Variants in SYNPR observed in about 807,000 individuals in gnomAD.
SYNPR encodes synaptoporin.
In SYNPR, 23 loss-of-function variants were observed where a neutral mutation model predicts 32.9. That is an observed-to-expected ratio of 0.70 (90% confidence interval 0.50 to 0.99). The LOEUF (loss-of-function observed/expected upper bound fraction) is 0.99, where lower values mean the gene tolerates loss of function less well. Among genes scored for constraint, SYNPR ranks in the 50% least tolerant of loss-of-function variants. The probability of loss-of-function intolerance (pLI) is 0.00; values close to 1 mark genes in which losing one functional copy is unlikely to be tolerated. For synonymous variants in SYNPR, 146 were observed against 135.9 expected, an observed-to-expected ratio of 1.07 and a Z score of -0.52; for missense variants, 318 against 349.3, an observed-to-expected ratio of 0.91 and a Z score of 0.71.
intron 2 of SYNPR, among the ~76,000 whole-genome samples, chr3:63,313,384 T>C (rs967448375): frequency 2.4e-4 from 37 of 151,726 alleles, no homozygotes; most frequent in African/African-American, 8.4e-4. Flanking sequence ...TTCCTCCAGG[T>C]CCCCAAAATC....
chr3:63,477,753 T>G (rs1214790148), intron 2 of SYNPR, among the ~76,000 whole-genome samples: 1 of 152,200 alleles, frequency 6.6e-6, no homozygotes, highest in Non-Finnish European at 1.5e-5. Flanking sequence ...TAGATATTCA[T>G]TCTCCCTTAC....
At chr3:63,291,697 T>C (rs2086740229) in intron 2 of SYNPR, among the ~76,000 whole-genome samples, 2 of 152,152 alleles carry the variant, frequency 1.3e-5, no homozygotes, top group Non-Finnish European at 1.5e-5. Context: ...AGACAAGTGC[T>C]TCATTGGTGA....
chr3:63,283,467 G>C (rs2086648671), intron 2 of SYNPR, among the ~76,000 whole-genome samples: 1 of 152,086 alleles, frequency 6.6e-6, no homozygotes, highest in Non-Finnish European at 1.5e-5. Flanking sequence ...CACTGACTCT[G>C]GTGGTCTTTT....
chr3:63,229,135 T>G (rs376932611), intron 1 of SYNPR, among the ~76,000 whole-genome samples: 4 of 152,126 alleles, frequency 2.6e-5, no homozygotes, highest in African/African-American at 9.7e-5. Flanking sequence ...ACTGATAGAT[T>G]TATAGCCTTG....
At chr3:63,229,662 ACT>A (rs956700219) in intron 1 of SYNPR, among the ~76,000 whole-genome samples, 3 of 151,862 alleles carry the variant, frequency 2.0e-5, no homozygotes, top group African/African-American at 4.8e-5. Flanking sequence ...AGTTTATGAG[ACT>A]CTAATCTTTT....
chr3:63,480,458 C>CCCA (rs1389343053), intron 2 of SYNPR, among the ~76,000 whole-genome samples: 1 of 152,158 alleles, frequency 6.6e-6, no homozygotes, highest in East Asian at 1.9e-4. Flanking sequence ...AGGATACACC[C>CCCA]CCACATCTTC....
chr3:63,312,500 A>C (rs1164660894), intron 2 of SYNPR, among the ~76,000 whole-genome samples: 1 of 151,864 alleles, frequency 6.6e-6, no homozygotes, highest in Non-Finnish European at 1.5e-5. Flanking sequence ...AACTTCAGCT[A>C]CATCCATCTT....
At chr3:63,347,614 C>A (rs959226086) in intron 2 of SYNPR, among the ~76,000 whole-genome samples, 3 of 152,096 alleles carry the variant, frequency 2.0e-5, no homozygotes, top group Admixed American at 6.6e-5. Flanking sequence ...TAAATAATTT[C>A]TCATCCCTCA....
intron 2 of SYNPR, among the ~76,000 whole-genome samples, chr3:63,369,963 C>A (rs2087775523): frequency 6.6e-6 from 1 of 152,044 alleles, no homozygotes; most frequent in African/African-American, 2.4e-5. Context: ...ATCTCATGAC[C>A]ATTTTGAAAA....
At chr3:63,337,778 A>G (rs1476312630) in intron 2 of SYNPR, among the ~76,000 whole-genome samples, 2 of 152,226 alleles carry the variant, frequency 1.3e-5, no homozygotes, top group Admixed American at 6.5e-5. Flanking sequence ...TGCATTCTGT[A>G]TGATTCCAAA....
intron 4 of SYNPR, among the ~76,000 whole-genome samples, chr3:63,563,179 C>G (rs1575712767): frequency 6.6e-6 from 1 of 152,100 alleles, no homozygotes; most frequent in African/African-American, 2.4e-5. Flanking sequence ...TTCTTATCCC[C>G]AAGTCGCCAA....
At chr3:63,447,045 G>A (rs1333014361) in intron 2 of SYNPR, among the ~76,000 whole-genome samples, 1 of 152,012 alleles carries the variant, frequency 6.6e-6, no homozygotes, top group South Asian at 2.1e-4. Context: ...GTCATAATTG[G>A]GTGGTTTAAT....
intron 3 of SYNPR, among the ~76,000 whole-genome samples, chr3:63,507,258 C>T (rs1162678963): frequency 6.6e-6 from 1 of 151,950 alleles, no homozygotes; most frequent in Non-Finnish European, 1.5e-5. Flanking sequence ...ACCATATCTG[C>T]CCCAAATGTT....
intron 3 of SYNPR, among the ~76,000 whole-genome samples, chr3:63,485,496 A>G (rs1344889600): frequency 6.6e-6 from 1 of 152,198 alleles, no homozygotes; most frequent in African/African-American, 2.4e-5. Flanking sequence ...GGTGGTTATT[A>G]AAAGCTTTCA....
intron 4 of SYNPR, among the ~76,000 whole-genome samples, chr3:63,571,722 T>C (rs1036244987): frequency 1.3e-5 from 2 of 152,174 alleles, no homozygotes; most frequent in African/African-American, 4.8e-5. Flanking sequence ...ATTTGATTGA[T>C]ATATAATAAT....
chr3:63,222,234 T>C, the SYNPR span, among the ~76,000 whole-genome samples: 1 of 151,774 alleles, frequency 6.6e-6, no homozygotes, highest in Non-Finnish European at 1.5e-5. Context: ...ATCCAAATGA[T>C]TCATGGCTCA....
upstream of SYNPR, among the ~76,000 whole-genome samples, chr3:63,228,019 A>C (rs568440061): frequency 5.3e-5 from 8 of 152,194 alleles, no homozygotes; most frequent in Non-Finnish European, 8.8e-5. Flanking sequence ...TTTTAAATGC[A>C]ATGAATGGTC....
intron 2 of SYNPR, among the ~76,000 whole-genome samples, chr3:63,398,704 G>A (rs1342421817): frequency 6.7e-6 from 1 of 148,310 alleles, no homozygotes; most frequent in African/African-American, 2.5e-5. Flanking sequence ...GGAAGACAGA[G>A]CGAGACTCCG....
intron 4 of SYNPR, among the ~76,000 whole-genome samples, chr3:63,587,020 T>C (rs1052177968): frequency 1.3e-5 from 2 of 152,020 alleles, no homozygotes; most frequent in African/African-American, 4.8e-5. Context: ...AAGCTCTACC[T>C]ATGAAGAACC....
Sources: gnomAD v4.1 joint callset for allele counts (sites outside exome capture counted in the v4.1 genomes callset) on GRCh38, gnomAD v4.1.1 for gene constraint, MANE v1.5 for transcripts, NCBI Gene and HGNC (gene_info 2026-07-23, HGNC 2026-07-21) for gene names.